HNRNPC: variants seen among roughly 807,000 people sequenced by gnomAD.
HNRNPC encodes heterogeneous nuclear ribonucleoprotein C.
A neutral mutation model predicts 33.2 loss-of-function variants in HNRNPC; 3 were observed. That is an observed-to-expected ratio of 0.09 (90% confidence interval 0.04 to 0.23). HNRNPC has a LOEUF of 0.23. HNRNPC is among the 10% of genes least tolerant of loss of function. The pLI, the probability that HNRNPC is intolerant of heterozygous loss-of-function variation, is 1.00. For synonymous variants in HNRNPC, 121 were observed against 126.7 expected, an observed-to-expected ratio of 0.96 and a Z score of 0.30; for missense variants, 143 against 366.7, an observed-to-expected ratio of 0.39 and a Z score of 4.98.
At chr14:21,263,061 C>CTAA (rs1489563667) in intron 2 of HNRNPC, 1 of 151,958 alleles carries the variant, frequency 6.6e-6, no homozygotes, top group African/African-American at 2.4e-5. Flanking sequence ...CTTAAAAATA[C>CTAA]TAATGCCTTC....
chr14:21,231,093 T>C, intron 3 of HNRNPC, 21 bp from the exon 4 acceptor site: 2 of 1,597,930 alleles, frequency 1.3e-6, no homozygotes, highest in Middle Eastern at 1.7e-4. Flanking sequence ...AAAGTAAAAA[T>C]GTTAATGACA....
chr14:21,256,427 CAA>C (rs1433235390), intron 2 of HNRNPC, among the ~76,000 whole-genome samples: 2 of 151,724 alleles, frequency 1.3e-5, no homozygotes, highest in Non-Finnish European at 2.9e-5. Flanking sequence ...ACAGCCTGGG[CAA>C]AGAGAGCAAA....
chr14:21,230,537 A>T, intron 4 of HNRNPC, 171 bp from the exon 5 acceptor site: 1 of 573,198 alleles, frequency 1.7e-6, no homozygotes, highest in South Asian at 2.3e-5. Flanking sequence ...ATCACCTTAG[A>T]CCACTGGAAA....
At chr14:21,222,202 G>A (rs903135961) in intron 5 of HNRNPC, among the ~76,000 whole-genome samples, 1 of 152,140 alleles carries the variant, frequency 6.6e-6, no homozygotes, top group Non-Finnish European at 1.5e-5. Flanking sequence ...TGGAGCAACT[G>A]GAACCTTCCA....
intron 2 of HNRNPC, among the ~76,000 whole-genome samples, chr14:21,262,293 T>TA (rs1354403415): frequency 2.6e-5 from 4 of 152,238 alleles, no homozygotes; most frequent in Non-Finnish European, 2.9e-5. Context: ...TGTAACAATC[T>TA]AAAAAAAGGG....
At chr14:21,255,935 A>C (rs1877111629) in intron 2 of HNRNPC, among the ~76,000 whole-genome samples, 1 of 152,152 alleles carries the variant, frequency 6.6e-6, no homozygotes, top group Non-Finnish European at 1.5e-5. Context: ...GAGGAACCAA[A>C]CTGTATGAGT....
chr14:21,226,878 C>CCA (rs1893502077), intron 5 of HNRNPC, among the ~76,000 whole-genome samples: 1 of 39,048 alleles, frequency 2.6e-5, no homozygotes, highest in Non-Finnish European at 4.6e-5. Flanking sequence ...GACTCCATCT[C>CCA]AAAAAAAAAA....
intron 1 of HNRNPC, among the ~76,000 whole-genome samples, chr14:21,266,248 G>A (rs557682479): frequency 1.8e-4 from 28 of 152,114 alleles, no homozygotes; most frequent in African/African-American, 6.3e-4. Flanking sequence ...GACTACAGGC[G>A]AGCGCCAGCA....
intron 1 of HNRNPC, among the ~76,000 whole-genome samples, chr14:21,268,301 C>T (rs1483493234): frequency 6.6e-6 from 1 of 152,080 alleles, no homozygotes; most frequent in Non-Finnish European, 1.5e-5. Flanking sequence ...AAAATTAACG[C>T]CAGAATATCC....
In HNRNPC at chr14:21,252,747, A is replaced by G. The variant is rs79334450; in HGVS notation, c.-37+10564T>C. 6.3e-3 allele frequency among the ~76,000 whole-genome samples: 963 copies of G among 152,316 alleles called. 6 individuals carry two copies. Among genetic ancestry groups the G allele is most frequent in the Non-Finnish European group, 9.4e-3 (638 of 68,042 alleles). On this transcript the variant is annotated intron_variant, in intron 2 of 8. Coordinates refer to ENST00000553300, the MANE Select transcript of HNRNPC (RefSeq NM_004500.4). ...AAATGTATCAAGAATTTGCTTCAAAATAACATGGGAAGGGGGTGGATGGGG... is the reference window on the plus strand; with the variant it reads ...AAATGTATCAAGAATTTGCTTCAAAGTAACATGGGAAGGGGGTGGATGGGG...
rs186066744 is a variant in HNRNPC at position 21,235,621 on chromosome 14, T to C, written c.-36-1392A>G. Among the ~76,000 whole-genome samples, 7 of 152,258 alleles carry C rather than the reference T, an allele frequency of 4.6e-5. No individual in the cohort carries two copies. In the East Asian group the frequency reaches 1.3e-3, roughly 29 times the overall value. On this transcript the variant is annotated intron_variant, in intron 2 of 8. Transcript: ENST00000553300. ...CTAAGCAATAAAAATTAACAAACAGTAGCCACTGAAATCCACCAACAGCCT... is the reference window on the plus strand; with the variant it reads ...CTAAGCAATAAAAATTAACAAACAGCAGCCACTGAAATCCACCAACAGCCT...
intron 2 of HNRNPC, among the ~76,000 whole-genome samples, chr14:21,245,084 CAAAAAAAAAA>C (rs71112560): frequency 1.3e-4 from 7 of 54,606 alleles, no homozygotes; most frequent in South Asian, 6.5e-4. Context: ...GACTCCATCT[CAAAAAAAAAA>C]AAAAAAAAAA....
rs758199222 is a variant in HNRNPC at position 21,211,195 on chromosome 14, G to C, written c.*28C>G. On this transcript the variant is annotated 3_prime_UTR_variant, in exon 9 of 9. Transcript: ENST00000553300. ...AAGCGCCTAGGTAAAGAAATAATGG[G>C]ATAAGATTTCTAAACCCCACTATGT... 1.2e-6 allele frequency: 2 copies of C among 1,606,984 alleles called. No homozygotes were observed. Among genetic ancestry groups the C allele is most frequent in the Non-Finnish European group, 1.7e-6 (2 of 1,174,318 alleles).
intron 2 of HNRNPC, among the ~76,000 whole-genome samples, chr14:21,260,652 C>T (rs994611338): frequency 1.3e-5 from 2 of 151,828 alleles, no homozygotes; most frequent in Non-Finnish European, 2.9e-5. Flanking sequence ...CTCTACTGAA[C>T]CCTGTCTCTA....
At chr14:21,260,517 T>C (rs935671969) in intron 2 of HNRNPC, among the ~76,000 whole-genome samples, 1 of 152,096 alleles carries the variant, frequency 6.6e-6, no homozygotes. Context: ...GCTTTCTTTT[T>C]TTAAAAAGAG....
intron 5 of HNRNPC, among the ~76,000 whole-genome samples, chr14:21,214,505 C>CAGGTT (rs1891941354): frequency 6.6e-6 from 1 of 152,076 alleles, no homozygotes; most frequent in Non-Finnish European, 1.5e-5. Flanking sequence ...GATGGAAAGA[C>CAGGTT]AGGTTGAGCC....
intron 1 of HNRNPC, chr14:21,264,757 G>C (rs886430071): frequency 4.6e-5 from 7 of 152,170 alleles, no homozygotes; most frequent in African/African-American, 1.7e-4. Context: ...GGCCAAGTGT[G>C]GTGGCTCACA....
chr14:21,237,055 G>C (rs763900870), intron 2 of HNRNPC, among the ~76,000 whole-genome samples: 5 of 152,176 alleles, frequency 3.3e-5, no homozygotes, highest in Non-Finnish European at 7.4e-5. Context: ...TAGAAAAGCA[G>C]TTAAAACTTA....
intron 5 of HNRNPC, among the ~76,000 whole-genome samples, chr14:21,226,420 A>T (rs960277785): frequency 1.3e-5 from 2 of 152,008 alleles, no homozygotes; most frequent in African/African-American, 4.8e-5. Flanking sequence ...CTAAGGACTT[A>T]AAGATCTATT....
Sources: gnomAD v4.1 joint callset for allele counts (sites outside exome capture counted in the v4.1 genomes callset) on GRCh38, gnomAD v4.1.1 for gene constraint, MANE v1.5 for transcripts, NCBI Gene and HGNC (gene_info 2026-07-23, HGNC 2026-07-21) for gene names.